Variants in MAGI2 observed in about 807,000 individuals in gnomAD.
The protein encoded by MAGI2 is membrane-associated guanylate kinase, WW and PDZ domain-containing protein 2.
MAGI2 carries 35 observed loss-of-function variants against 133.3 expected under a neutral mutation model. The ratio of observed to expected loss-of-function variants is 0.26; its 90% CI spans 0.20 to 0.35. The LOEUF (loss-of-function observed/expected upper bound fraction) is 0.35. Ranked by LOEUF, MAGI2 falls within the 10% of genes least tolerant of loss-of-function variation. The pLI, the probability that MAGI2 is intolerant of heterozygous loss-of-function variation, is 1.00. For missense variants in MAGI2, 1,636 were observed against 1,863.4 expected (o/e 0.88, Z 2.25); for synonymous variants, 729 against 710.6 (o/e 1.03, Z -0.41).
chr7:79,244,018 GA>G (rs916848706), intron 1 of MAGI2, among the ~76,000 whole-genome samples: 1 of 150,990 alleles, frequency 6.6e-6, no homozygotes, highest in East Asian at 1.9e-4. Flanking sequence ...AGAAACGAAA[GA>G]AAAAAAAAGT....
intron 21 of MAGI2, among the ~76,000 whole-genome samples, chr7:78,069,536 A>AG: frequency 9.3e-6 from 1 of 107,076 alleles, no homozygotes; most frequent in South Asian, 3.7e-4. Flanking sequence ...AAAGAAAGAG[A>AG]GAGGAGAGAG....
intron 2 of MAGI2, among the ~76,000 whole-genome samples, chr7:78,707,261 G>A (rs1818747961): frequency 6.6e-6 from 1 of 152,036 alleles, no homozygotes; most frequent in Admixed American, 6.6e-5. Context: ...AAGGATGATG[G>A]CAGATAGTTT....
chr7:79,453,657 T>C lies in MAGI2; in HGVS notation c.-337A>G. 1 of 405,242 alleles carries C rather than the reference T, an allele frequency of 2.5e-6. No homozygotes were observed. The highest frequency in any genetic ancestry group is 3.3e-6 in the Non-Finnish European group (1 of 304,852). 25.1% of individuals were successfully genotyped at this position (405,242 alleles called of 1,614,324 possible). On this transcript the variant is annotated 5_prime_UTR_variant, in exon 1 of 22. Transcript: ENST00000354212. ...CCGGAGCGAGCAGTAGCCGAGCTGG[T>C]GAGCGGGTGTGGTGGGGGTGGGGAA...
intron 2 of MAGI2, among the ~76,000 whole-genome samples, chr7:78,916,450 A>G (rs1798804293): frequency 6.6e-6 from 1 of 152,172 alleles, no homozygotes; most frequent in African/African-American, 2.4e-5. Flanking sequence ...ACAGAAGACC[A>G]GTGTATTTCT....
At chr7:79,075,347 T>C (rs1815366744) in intron 1 of MAGI2, among the ~76,000 whole-genome samples, 2 of 152,220 alleles carry the variant, frequency 1.3e-5, no homozygotes, top group Admixed American at 1.3e-4. Context: ...GAATCTCATG[T>C]TACCACATGA....
chr7:78,320,269 T>C (rs1468957748), intron 9 of MAGI2, among the ~76,000 whole-genome samples: 1 of 152,174 alleles, frequency 6.6e-6, no homozygotes, highest in African/African-American at 2.4e-5. Flanking sequence ...TTACTCATTT[T>C]ATGAGGCCAG....
At chr7:78,167,167 A>G (rs915530951) in intron 15 of MAGI2, among the ~76,000 whole-genome samples, 2 of 152,170 alleles carry the variant, frequency 1.3e-5, no homozygotes, top group Non-Finnish European at 2.9e-5. Flanking sequence ...GGGAGGTAAT[A>G]CAATCCCAAT....
intron 2 of MAGI2, among the ~76,000 whole-genome samples, chr7:78,730,404 T>C (rs1415689957): frequency 2.6e-5 from 2 of 76,258 alleles, no homozygotes; most frequent in East Asian, 3.9e-4. Flanking sequence ...AAGCCACTAA[T>C]ACTAAGCCAA....
chr7:78,200,538 C>A (rs1048745687), intron 11 of MAGI2, among the ~76,000 whole-genome samples: 8 of 152,098 alleles, frequency 5.3e-5, no homozygotes, highest in African/African-American at 1.9e-4. Flanking sequence ...AATATATATA[C>A]AGTATACAGA....
At position 78,597,869 on chromosome 7, in the gene MAGI2, TTTC is replaced by T. The variant is rs76377231; in HGVS notation, c.538+29248_538+29250del. On this transcript the variant is annotated intron_variant, in intron 3 of 21. Transcript: ENST00000354212. ...TTGCATCTGGCAAACTGTTTTTTTTTTTCCCCATAGAGTGATTTACTTGGTAAA... is the reference window on the plus strand; with the variant it reads ...TTGCATCTGGCAAACTGTTTTTTTTTCCCATAGAGTGATTTACTTGGTAAA... Among the ~76,000 whole-genome samples, 400 of 112,540 alleles carry T rather than the reference TTTC, an allele frequency of 3.6e-3. 3 individuals are homozygous for T. The highest frequency in any genetic ancestry group is 0.018 in the African/African-American group (370 of 20,178). The allele number at this position is 112,540 out of a possible 152,430, so 73.8% of individuals were successfully genotyped here. A position where few individuals can be genotyped will look rare whatever the true frequency, so the allele number is the denominator to read the frequency against.
chr7:79,161,134 G>GT (rs1286201569), intron 1 of MAGI2, among the ~76,000 whole-genome samples: 4 of 151,966 alleles, frequency 2.6e-5, no homozygotes, highest in African/African-American at 9.7e-5. Flanking sequence ...ACATAAGGTA[G>GT]TTGTAACCCC....
intron 14 of MAGI2, among the ~76,000 whole-genome samples, chr7:78,176,789 A>G (rs1826660582): frequency 6.6e-6 from 1 of 152,002 alleles, no homozygotes; most frequent in Non-Finnish European, 1.5e-5. Context: ...TTGAGACTGC[A>G]GTGAGCTGTG....
At chr7:79,292,493 C>T (rs375481506) in intron 1 of MAGI2, among the ~76,000 whole-genome samples, 1 of 151,384 alleles carries the variant, frequency 6.6e-6, no homozygotes, top group Non-Finnish European at 1.5e-5. Flanking sequence ...TTAGCCAGGT[C>T]TGGTGGCATG....
intron 9 of MAGI2, among the ~76,000 whole-genome samples, chr7:78,270,670 G>C (rs146861797): frequency 6.6e-6 from 1 of 151,592 alleles, no homozygotes; most frequent in Admixed American, 6.6e-5. Flanking sequence ...GGGCTGAGAC[G>C]ATGGGGTTTT....
At chr7:79,329,490 A>T (rs373037100) in intron 1 of MAGI2, among the ~76,000 whole-genome samples, 235 of 152,378 alleles carry the variant, frequency 1.5e-3, no homozygotes, top group African/African-American at 5.4e-3. Context: ...AAAATAATAC[A>T]ACATAGTATG....
intron 6 of MAGI2, among the ~76,000 whole-genome samples, chr7:78,438,281 A>AT (rs1432193914): frequency 6.6e-6 from 1 of 151,962 alleles, no homozygotes; most frequent in African/African-American, 2.4e-5. Flanking sequence ...TACAAAAAAA[A>AT]AAAATCCTGA....
intron 1 of MAGI2, among the ~76,000 whole-genome samples, chr7:79,378,290 C>A (rs1843517020): frequency 6.6e-6 from 1 of 151,794 alleles, no homozygotes; most frequent in African/African-American, 2.4e-5. Flanking sequence ...ATAACACTAA[C>A]AATGTTCCAG....
At chr7:78,663,485 G>T (rs1218021984) in intron 2 of MAGI2, among the ~76,000 whole-genome samples, 1 of 152,036 alleles carries the variant, frequency 6.6e-6, no homozygotes, top group Admixed American at 6.6e-5. Context: ...GACTACAGGC[G>T]TGAGCCACTG....
At chr7:78,448,862 A>G (rs1563012002) in intron 6 of MAGI2, among the ~76,000 whole-genome samples, 1 of 152,082 alleles carries the variant, frequency 6.6e-6, no homozygotes, top group Non-Finnish European at 1.5e-5. Context: ...TAGGACAGAT[A>G]ACTAAAGACA....
Sources: allele counts gnomAD v4.1 joint callset (sites outside exome capture counted in the v4.1 genomes callset), GRCh38; gene constraint gnomAD v4.1.1; transcripts MANE v1.5; gene names NCBI Gene and HGNC (gene_info 2026-07-23, HGNC 2026-07-21).